The following DNM3 variants were observed in gnomAD, a reference collection of about 807,000 sequenced individuals.
The protein encoded by DNM3 is dynamin 3.
A neutral mutation model predicts 101.6 loss-of-function variants in DNM3; 47 were observed. The observed-to-expected ratio is 0.46, with a 90% CI of 0.37 to 0.59. The LOEUF is 0.59. Ranked by LOEUF, DNM3 falls within the 20% of genes least tolerant of loss-of-function variation. DNM3 has a pLI of 0.00. For synonymous variants in DNM3, 385 were observed against 387.9 expected, an observed-to-expected ratio of 0.99 and a Z score of 0.09; for missense variants, 849 against 1,085.7, an observed-to-expected ratio of 0.78 and a Z score of 3.06.
At chr1:172,032,973 A>G in intron 5 of DNM3, 132 bp from the exon 6 acceptor site, 2 of 1,096,192 alleles carry the variant, frequency 1.8e-6, no homozygotes, top group Admixed American at 2.9e-5. Flanking sequence ...ATTGAGTTTT[A>G]TAAAGGAACT....
Position 172,412,652 on chromosome 1 carries a change from ATGTACCTAT to A in DNM3, c.*4815_*4823del, listed in dbSNP as rs1022274040. 3 of 985,742 alleles carry A rather than the reference ATGTACCTAT, an allele frequency of 3.0e-6. No individual in the cohort carries two copies. Among genetic ancestry groups the A allele is most frequent in the Non-Finnish European group, 3.6e-6 (3 of 829,922 alleles). 61.1% of individuals were successfully genotyped at this position (985,742 alleles called of 1,614,324 possible). On this transcript the variant is annotated 3_prime_UTR_variant, in exon 21 of 21. Transcript: ENST00000627582. ...AGCCTGTATCGTTCTTGAAGGTCAC[ATGTACCTAT>A]TGTGAAAATGTGAAGCTGTATTTCT... is the stretch of plus-strand genomic sequence containing the variant.
intron 4 of DNM3, among the ~76,000 whole-genome samples, chr1:171,994,945 C>T (rs575747224): frequency 1.3e-5 from 2 of 152,062 alleles, no homozygotes; most frequent in South Asian, 4.2e-4. Flanking sequence ...TGCTCTCCAA[C>T]CCCATTCTGT....
chr1:172,299,713 T>C (rs1193070368), intron 15 of DNM3, among the ~76,000 whole-genome samples: 3 of 152,184 alleles, frequency 2.0e-5, no homozygotes, highest in Non-Finnish European at 4.4e-5. Flanking sequence ...AGGACATAAC[T>C]TTGTTCTTTT....
intron 14 of DNM3, among the ~76,000 whole-genome samples, chr1:172,237,014 C>A (rs145436133): frequency 6.6e-6 from 1 of 152,214 alleles, no homozygotes; most frequent in East Asian, 1.9e-4. Context: ...ATTTCTAATT[C>A]TTCTACAGCT....
chr1:172,282,045 T>C (rs779281919), intron 15 of DNM3, among the ~76,000 whole-genome samples: 8 of 152,204 alleles, frequency 5.3e-5, no homozygotes, highest in Non-Finnish European at 1.2e-4. Context: ...ATCCCACCTG[T>C]AGGCAAGACC....
At chr1:172,033,059 G>A (rs761017153) in intron 5 of DNM3, 46 bp from the exon 6 acceptor site, 16 of 1,590,376 alleles carry the variant, frequency 1.0e-5, no homozygotes, top group Non-Finnish European at 1.4e-5. Flanking sequence ...CCTAGAATAA[G>A]CCACAAAAAG....
At chr1:172,364,637 T>G (rs1195821047) in intron 17 of DNM3, among the ~76,000 whole-genome samples, 1 of 151,934 alleles carries the variant, frequency 6.6e-6, no homozygotes, top group Non-Finnish European at 1.5e-5. Flanking sequence ...TGACATGGTT[T>G]GGATCTGTAT....
chr1:172,189,621 G>A (rs1238103026), intron 14 of DNM3, among the ~76,000 whole-genome samples: 2 of 151,944 alleles, frequency 1.3e-5, no homozygotes, highest in African/African-American at 2.4e-5. Flanking sequence ...GGGTGCTAAC[G>A]TAGATGACTA....
At chr1:171,904,769 A>T (rs1373546892) in intron 1 of DNM3, among the ~76,000 whole-genome samples, 4 of 152,118 alleles carry the variant, frequency 2.6e-5, no homozygotes, top group Admixed American at 2.6e-4. Flanking sequence ...CACTGAGACC[A>T]TGACTTTGAT....
intron 14 of DNM3, among the ~76,000 whole-genome samples, chr1:172,182,860 T>G (rs982289223): frequency 6.6e-6 from 1 of 152,156 alleles, no homozygotes; most frequent in Non-Finnish European, 1.5e-5. Context: ...AATTGGTGAC[T>G]TCAATATGAG....
chr1:172,330,871 T>C (rs1573496003), intron 17 of DNM3, among the ~76,000 whole-genome samples: 1 of 152,300 alleles, frequency 6.6e-6, no homozygotes, highest in South Asian at 2.1e-4. Context: ...GGAAATTAAC[T>C]TTAAAGTGGA....
chr1:172,400,238 T>A (rs1285970031), intron 20 of DNM3, among the ~76,000 whole-genome samples: 1 of 152,110 alleles, frequency 6.6e-6, no homozygotes, highest in East Asian at 1.9e-4. Context: ...TTCCCCTAAA[T>A]GGTGGCAGTT....
chr1:171,961,524 A>G (rs2043209951), intron 2 of DNM3, among the ~76,000 whole-genome samples: 1 of 152,198 alleles, frequency 6.6e-6, no homozygotes. Context: ...CAGCCATTGC[A>G]TGAAACAGTT....
At chr1:171,904,585 GT>G (rs1440677914) in intron 1 of DNM3, among the ~76,000 whole-genome samples, 1 of 152,152 alleles carries the variant, frequency 6.6e-6, no homozygotes, top group African/African-American at 2.4e-5. Context: ...AGACATGAGG[GT>G]TTTCTTTAGA....
In DNM3 at chr1:172,407,998, TG is replaced by T. The variant is rs2071015428; in HGVS notation, c.*159del. On this transcript the variant is annotated 3_prime_UTR_variant, in exon 21 of 21. Coordinates refer to ENST00000627582, the MANE Select transcript of DNM3 (RefSeq NM_015569.5). Reference sequence around the variant, plus strand: ...ATTCATCGCTCATCTTCATTGCTCATGGTATGTCAAACCTTTGGGGTTTGAC... The same window carrying T: ...ATTCATCGCTCATCTTCATTGCTCATGTATGTCAAACCTTTGGGGTTTGAC... The T allele has an allele frequency of 6.7e-7, 1 of 1,490,442 alleles. No individual in the cohort carries two copies. The highest frequency in any genetic ancestry group is 1.4e-5 in the African/African-American group (1 of 71,686). 92.3% of individuals were successfully genotyped at this position (1,490,442 alleles called of 1,614,324 possible). A position where few individuals can be genotyped will look rare whatever the true frequency, so the allele number is the denominator to read the frequency against.
At chr1:172,006,254 G>A (rs1010135689) in intron 4 of DNM3, among the ~76,000 whole-genome samples, 2 of 152,048 alleles carry the variant, frequency 1.3e-5, no homozygotes, top group African/African-American at 2.4e-5. Flanking sequence ...TAGGAGGAAC[G>A]CTCTTGTCTG....
chr1:172,142,020 T>G (rs2148163756), intron 14 of DNM3: 1 of 152,244 alleles, frequency 6.6e-6, no homozygotes, highest in Admixed American at 6.5e-5. Flanking sequence ...AATTTATCAA[T>G]CATTCACATG....
At chr1:172,395,226 A>G (rs557196063) in intron 20 of DNM3, among the ~76,000 whole-genome samples, 2 of 148,190 alleles carry the variant, frequency 1.3e-5, no homozygotes, top group South Asian at 4.3e-4. Context: ...GCTGGAGTGC[A>G]GTGGCGTGGT....
At chr1:171,932,637 A>G (rs2125373896) in intron 2 of DNM3, among the ~76,000 whole-genome samples, 1 of 152,256 alleles carries the variant, frequency 6.6e-6, no homozygotes, top group African/African-American at 2.4e-5. Flanking sequence ...TTATATTTTC[A>G]AACTCCTTAT....
Sources: allele counts gnomAD v4.1 joint callset (sites outside exome capture counted in the v4.1 genomes callset), GRCh38; gene constraint gnomAD v4.1.1; transcripts MANE v1.5; gene names NCBI Gene and HGNC (gene_info 2026-07-23, HGNC 2026-07-21).